The following CADM1 variants were observed in gnomAD, a reference collection of about 807,000 sequenced individuals.
CADM1 encodes the protein cell adhesion molecule 1, also known as TSLC-1.
CADM1 carries 15 observed loss-of-function variants against 53.1 expected under a neutral mutation model. The ratio of observed to expected loss-of-function variants is 0.28; its 90% confidence interval spans 0.19 to 0.44. The LOEUF is 0.44. Among genes scored for constraint, CADM1 ranks in the 20% least tolerant of loss-of-function variants. CADM1 has a pLI of 1.00. For synonymous variants in CADM1, 281 were observed against 243.0 expected (o/e 1.16, Z -1.45); for missense variants, 434 against 611.3 (o/e 0.71, Z 3.06).
chr11:115,223,650 C>G (rs766902435), intron 5 of CADM1, among the ~76,000 whole-genome samples: 5 of 152,060 alleles, frequency 3.3e-5, no homozygotes, highest in African/African-American at 1.2e-4. Context: ...GTCTTGCTCA[C>G]GATGTATTTG....
chr11:115,454,494 T>C (rs900801167), intron 1 of CADM1, among the ~76,000 whole-genome samples: 1 of 152,246 alleles, frequency 6.6e-6, no homozygotes, highest in Non-Finnish European at 1.5e-5. Flanking sequence ...TCATGTTTAC[T>C]GTAGGGCTAA....
chr11:115,471,238 T>A (rs1483547104), intron 1 of CADM1, among the ~76,000 whole-genome samples: 1 of 152,200 alleles, frequency 6.6e-6, no homozygotes, highest in Non-Finnish European at 1.5e-5. Context: ...GGGGAACACA[T>A]GTCTGTCAAA....
At chr11:115,353,973 G>A (rs1036001497) in intron 1 of CADM1, among the ~76,000 whole-genome samples, 1 of 152,104 alleles carries the variant, frequency 6.6e-6, no homozygotes. Flanking sequence ...AGCAGTGATG[G>A]GCTGTTTTTG....
intron 1 of CADM1, among the ~76,000 whole-genome samples, chr11:115,260,021 G>T (rs1942923991): frequency 6.6e-6 from 1 of 152,130 alleles, no homozygotes; most frequent in Non-Finnish European, 1.5e-5. Context: ...GAACTCTCTG[G>T]GCTCAAGCAA....
intron 1 of CADM1, among the ~76,000 whole-genome samples, chr11:115,418,171 C>A (rs1449209680): frequency 6.6e-6 from 1 of 152,114 alleles, no homozygotes; most frequent in Non-Finnish European, 1.5e-5. Context: ...CTTGCCCATC[C>A]TGGAATGCAA....
At chr11:115,226,899 A>G (rs1285799087) in intron 5 of CADM1, among the ~76,000 whole-genome samples, 1 of 152,266 alleles carries the variant, frequency 6.6e-6, no homozygotes, top group African/African-American at 2.4e-5. Flanking sequence ...AAAGTTCTCA[A>G]TAGTGCTCTA....
intron 1 of CADM1, among the ~76,000 whole-genome samples, chr11:115,271,267 T>A (rs1216885682): frequency 6.6e-6 from 1 of 151,868 alleles, no homozygotes; most frequent in Admixed American, 6.6e-5. Flanking sequence ...GTTTATGTTG[T>A]TGTTGTTGTT....
At chr11:115,267,484 G>A (rs568643940) in intron 1 of CADM1, among the ~76,000 whole-genome samples, 1 of 152,112 alleles carries the variant, frequency 6.6e-6, no homozygotes, top group Non-Finnish European at 1.5e-5. Context: ...CCTGGCTTGC[G>A]AATGAAATGC....
chr11:115,214,588 C>G lies in CADM1; in HGVS notation c.994+20G>C. 1 of 1,601,978 alleles carries G rather than the reference C, an allele frequency of 6.2e-7. No individual in the cohort carries two copies. Among genetic ancestry groups the G allele is most frequent in the South Asian group, 1.1e-5 (1 of 90,844 alleles). ...CATGTGACTGACTCTAGTAGAAGAG[C>G]ATTTTATCTTCTCACGTACCGTATA... On this transcript the variant is annotated intron_variant, in intron 7 of 11. Coordinates refer to ENST00000331581, the MANE Select transcript of CADM1 (RefSeq NM_001301043.2).
chr11:115,196,639 C>T (rs577678675), intron 9 of CADM1, among the ~76,000 whole-genome samples: 2 of 138,246 alleles, frequency 1.4e-5, no homozygotes, highest in South Asian at 2.5e-4. Context: ...CAATCTCACA[C>T]TGTTTTAAGA....
intron 1 of CADM1, among the ~76,000 whole-genome samples, chr11:115,315,875 A>G (rs571711115): frequency 8.5e-5 from 13 of 152,288 alleles, no homozygotes; most frequent in African/African-American, 2.9e-4. Flanking sequence ...CACAAAGCCC[A>G]TACTTTTGCT....
At position 115,205,269 on chromosome 11, in the gene CADM1, C is replaced by T. The variant is rs147785516; in HGVS notation, c.1078+4305G>A. On this transcript the variant is annotated intron_variant, in intron 8 of 11. Transcript: ENST00000331581. Reference sequence around the variant, plus strand: ...CCAGGTACAAACAAAACAACAGCCACGCTAACTAGGAAGGGAAACACAACA... The same window carrying T: ...CCAGGTACAAACAAAACAACAGCCATGCTAACTAGGAAGGGAAACACAACA... 9.2e-5 allele frequency among the ~76,000 whole-genome samples: 14 copies of T among 152,150 alleles called. No homozygotes were observed. The South Asian group carries it at 1.2e-3, about 14-fold the overall frequency.
At chr11:115,289,593 C>CTTTTTTTTTT (rs56766047) in intron 1 of CADM1, among the ~76,000 whole-genome samples, 960 of 108,880 alleles carry the variant, frequency 8.8e-3, no homozygotes, top group Non-Finnish European at 0.015. Flanking sequence ...CTTTTTTTTT[C>CTTTTTTTTTT]TTTTTTTTTT....
At chr11:115,406,775 C>G (rs1414702066) in intron 1 of CADM1, among the ~76,000 whole-genome samples, 1 of 150,988 alleles carries the variant, frequency 6.6e-6, no homozygotes, top group Admixed American at 6.6e-5. Context: ...GGTGAAACCC[C>G]ATCTCAACTA....
At chr11:115,211,908 C>G (rs1463233301) in intron 7 of CADM1, among the ~76,000 whole-genome samples, 1 of 152,076 alleles carries the variant, frequency 6.6e-6, no homozygotes, top group African/African-American at 2.4e-5. Context: ...AGGGGTGGAC[C>G]AGACTAATGA....
chr11:115,314,218 T>C (rs1343005470), intron 1 of CADM1, among the ~76,000 whole-genome samples: 1 of 151,776 alleles, frequency 6.6e-6, no homozygotes, highest in Non-Finnish European at 1.5e-5. Context: ...GATTCTTCAC[T>C]CAAAGCTCAT....
rs1321642456 is a variant in CADM1, at chr11:115,175,634, T to C, written c.*840A>G. On this transcript the variant is annotated 3_prime_UTR_variant, in exon 12 of 12. Transcript: ENST00000331581. Reference sequence around the variant, plus strand: ...TAGGGCATGGAAAAAGGAGGAGTCCTTTCTGCCCCAAACCTTTCTGGACAG... The same window carrying C: ...TAGGGCATGGAAAAAGGAGGAGTCCCTTCTGCCCCAAACCTTTCTGGACAG... 1 of 985,702 alleles carries C rather than the reference T, an allele frequency of 1.0e-6. No individual in the cohort carries two copies. The highest frequency in any genetic ancestry group is 1.2e-6 in the Non-Finnish European group (1 of 829,998). The allele number at this position is 985,702 out of a possible 1,614,324, so 61.1% of individuals were successfully genotyped here.
intron 1 of CADM1, among the ~76,000 whole-genome samples, chr11:115,491,239 T>C (rs1306360820): frequency 2.0e-5 from 3 of 152,014 alleles, no homozygotes; most frequent in Admixed American, 1.3e-4. Context: ...AAAAGGGCAA[T>C]CCTTATTTTC....
intron 1 of CADM1, among the ~76,000 whole-genome samples, chr11:115,324,580 C>G (rs546105386): frequency 6.6e-6 from 1 of 152,262 alleles, no homozygotes; most frequent in Non-Finnish European, 1.5e-5. Flanking sequence ...TCCTGCCAAA[C>G]AGCTAGTGCA....
Sources: allele counts gnomAD v4.1 joint callset (sites outside exome capture counted in the v4.1 genomes callset), GRCh38; gene constraint gnomAD v4.1.1; transcripts MANE v1.5; gene names NCBI Gene and HGNC (gene_info 2026-07-23, HGNC 2026-07-21).